FURIN: variants seen among roughly 807,000 people sequenced by gnomAD.
The protein encoded by FURIN is furin, paired basic amino acid cleaving enzyme.
A neutral mutation model predicts 89.2 loss-of-function variants in FURIN; 18 were observed. The observed-to-expected ratio is 0.20, with a 90% CI of 0.14 to 0.30. The LOEUF is 0.30. Among genes scored for constraint, FURIN ranks in the 10% least tolerant of loss-of-function variants. The pLI is 1.00. For synonymous variants in FURIN, 508 were observed against 466.4 expected, an observed-to-expected ratio of 1.09 and a Z score of -1.15; for missense variants, 879 against 1,100.5, an observed-to-expected ratio of 0.80 and a Z score of 2.85.
At chr15:90,870,261 T>C (rs2031225008) in intron 1 of FURIN, among the ~76,000 whole-genome samples, 1 of 152,234 alleles carries the variant, frequency 6.6e-6, no homozygotes, top group African/African-American at 2.4e-5. Context: ...GTTTGCTGAT[T>C]GATTTTTCAC....
At chr15:90,873,029 A>G (rs2031403220) in intron 1 of FURIN, 1 of 152,312 alleles carries the variant, frequency 6.6e-6, no homozygotes, top group Admixed American at 6.5e-5. Context: ...CCTGGAACAG[A>G]GTCCCATGTG....
In FURIN at chr15:90,876,665, C is replaced by T. The variant is rs2031648922; in HGVS notation, c.372+108C>T. 1 of 860,370 alleles carries T rather than the reference C, an allele frequency of 1.2e-6. No homozygotes were observed. The highest frequency in any genetic ancestry group is 1.9e-6 in the Non-Finnish European group (1 of 519,396). 53.3% of individuals were successfully genotyped at this position (860,370 alleles called of 1,614,324 possible). A position where few individuals can be genotyped will look rare whatever the true frequency, so the allele number is the denominator to read the frequency against. On this transcript the variant is annotated intron_variant, in intron 4 of 15. Coordinates refer to ENST00000268171, the MANE Select transcript of FURIN (RefSeq NM_002569.4). The surrounding 1 kb of genome is among the most constrained non-coding windows in gnomAD (Gnocchi z 5.0). ...CTTCGAGGCCTCCTCTGATTCGTTT[C>T]CTTTCCTCCTGCTGGGCAGTCTCTC...
In FURIN at chr15:90,875,738, C is replaced by T. The variant is rs773258111; in HGVS notation, c.-3C>T. On this transcript the variant is annotated 5_prime_UTR_variant, in exon 2 of 16. Transcript: ENST00000268171. ...TCCAGGGTCCCAGCCACCTGTCCCCCCCATGGAGCTGAGGCCCTGGTTGCT... is the reference window on the plus strand; with the variant it reads ...TCCAGGGTCCCAGCCACCTGTCCCCTCCATGGAGCTGAGGCCCTGGTTGCT... 3.3e-6 allele frequency: 5 copies of T among 1,537,678 alleles called. No homozygotes were observed. Among genetic ancestry groups the T allele is most frequent in the East Asian group, 4.9e-5 (2 of 40,938 alleles).
Position 90,880,715 on chromosome 15 carries a change from G to A in FURIN, c.1581G>A (p.Gly527=). 1 of 1,614,054 alleles carries A rather than the reference G, an allele frequency of 6.2e-7. No homozygotes were observed. Among genetic ancestry groups the A allele is most frequent in the Admixed American group, 1.7e-5 (1 of 59,992 alleles). Residue 527 remains glycine (G), a synonymous_variant, in exon 14 of 16, where the codon GGG becomes GGA. Coordinates refer to ENST00000268171, the MANE Select transcript of FURIN (RefSeq NM_002569.4). ...AARPHDYSAD[G]FNDWAFMTTH... is the part of the protein sequence containing the mutation. ...GGCCACATGACTACTCCGCAGATGGGTTTAATGACTGGGCCTTCATGACAA... is the reference window on the plus strand; with the variant it reads ...GGCCACATGACTACTCCGCAGATGGATTTAATGACTGGGCCTTCATGACAA...
At position 90,882,332 on chromosome 15, in the gene FURIN, C is replaced by A. The variant is rs188064567; in HGVS notation, c.*454C>A. 5.7e-6 allele frequency: 1 copy of A among 174,064 alleles called. No homozygotes were observed. Among genetic ancestry groups the A allele is most frequent in the Non-Finnish European group, 1.2e-5 (1 of 80,436 alleles). 10.8% of individuals were successfully genotyped at this position (174,064 alleles called of 1,614,324 possible). ...ACCTCTCCAAGGGCTTCTGCACCCT[C>A]CACCCTGTCCCCCAGCTCTGGTGAG... On this transcript the variant is annotated 3_prime_UTR_variant, in exon 16 of 16. Coordinates refer to ENST00000268171, the MANE Select transcript of FURIN (RefSeq NM_002569.4).
chr15:90,880,533 G>T (rs575587476), intron 13 of FURIN, among the ~76,000 whole-genome samples, 158 bp from the exon 14 acceptor site: 1 of 152,158 alleles, frequency 6.6e-6, no homozygotes, highest in African/African-American at 2.4e-5. Context: ...AGTTGAGCAC[G>T]TCTGGCTCAC....
chr15:90,876,590 C>T lies in FURIN; in HGVS notation c.372+33C>T, dbSNP rs2151223556. 7.4e-7 allele frequency: 1 copy of T among 1,353,180 alleles called. No individual in the cohort carries two copies. Among genetic ancestry groups the T allele is most frequent in the Non-Finnish European group, 1.1e-6 (1 of 943,908 alleles). The allele number at this position is 1,353,180 out of a possible 1,614,324, so 83.8% of individuals were successfully genotyped here. A position where few individuals can be genotyped will look rare whatever the true frequency, so the allele number is the denominator to read the frequency against. On this transcript the variant is annotated intron_variant, in intron 4 of 15. Coordinates refer to ENST00000268171, the MANE Select transcript of FURIN (RefSeq NM_002569.4). The surrounding 1 kb of genome is among the most constrained non-coding windows in gnomAD (Gnocchi z 5.0). ...GCCTTCTTCGCTGCTGGGACCTCCT[C>T]CCCAGATGCACCATCCACCCACTAT...
rs1159793974 is a variant in FURIN, at chr15:90,881,661, C to T, written c.2168C>T (p.Ala723Val). The T allele has an allele frequency of 6.3e-7, 1 of 1,585,962 alleles. No homozygotes were observed. Among genetic ancestry groups the T allele is most frequent in the South Asian group, 1.1e-5 (1 of 87,332 alleles). ...GAGGTGGTGGCCGGCCTCAGCTGCG[C>T]CTTCATCGTGCTGGTCTTCGTCACT... ...LPEVVAGLSC[A>V]FIVLVFVTVF... Residue 723 changes from alanine (A) to valine (V), a missense_variant, in exon 16 of 16, where the codon GCC becomes GTC. Physicochemically the swap from Ala to Val is moderately conservative, Grantham distance 64 (BLOSUM62 0). Coordinates refer to ENST00000268171, the MANE Select transcript of FURIN (RefSeq NM_002569.4). The surrounding 1 kb of genome is among the most constrained non-coding windows in gnomAD (Gnocchi z 4.3).
rs2031940158 is a variant in FURIN, at chr15:90,881,110, C to CTGT, written c.1792+70_1792+71insTGT. ...GTAAGGCGGGTGCCTGTCCTGAAGC[C>CTGT]CAGCTCTAACAGAAAAAAGTCTCAA... On this transcript the variant is annotated intron_variant, in intron 15 of 15. Coordinates refer to ENST00000268171, the MANE Select transcript of FURIN (RefSeq NM_002569.4). The surrounding 1 kb of genome is among the most constrained non-coding windows in gnomAD (Gnocchi z 4.3). The CTGT allele has an allele frequency of 3.3e-5, 41 of 1,261,328 alleles. No individual in the cohort carries two copies. Among genetic ancestry groups the CTGT allele is most frequent in the Non-Finnish European group, 4.7e-5 (41 of 863,462 alleles). The allele number at this position is 1,261,328 out of a possible 1,614,324, so 78.1% of individuals were successfully genotyped here.
In FURIN at chr15:90,881,910, C is replaced by A; in HGVS notation, c.*32C>A. Reference sequence around the variant, plus strand: ...CACTGCCCACCCCCTCAAGCCAATCCCCTCCTTGGGCACTTTTTAATTCAC... The same window carrying A: ...CACTGCCCACCCCCTCAAGCCAATCACCTCCTTGGGCACTTTTTAATTCAC... On this transcript the variant is annotated 3_prime_UTR_variant, in exon 16 of 16. Coordinates refer to ENST00000268171, the MANE Select transcript of FURIN (RefSeq NM_002569.4). The surrounding 1 kb of genome is among the most constrained non-coding windows in gnomAD (Gnocchi z 4.3). The A allele has an allele frequency of 6.9e-7, 1 of 1,444,204 alleles. No individual in the cohort carries two copies. The highest frequency in any genetic ancestry group is 9.6e-7 in the Non-Finnish European group (1 of 1,044,692). 89.5% of individuals were successfully genotyped at this position (1,444,204 alleles called of 1,614,324 possible).
chr15:90,871,165 C>T (rs1209561482), intron 1 of FURIN, among the ~76,000 whole-genome samples: 1 of 152,154 alleles, frequency 6.6e-6, no homozygotes, highest in Non-Finnish European at 1.5e-5. Context: ...GGCTCAAATT[C>T]GTCGCCCAGG....
intron 1 of FURIN, among the ~76,000 whole-genome samples, chr15:90,872,053 G>T (rs533777014): frequency 4.6e-5 from 7 of 151,542 alleles, no homozygotes; most frequent in African/African-American, 1.7e-4. Flanking sequence ...CCGCCACCGG[G>T]GCTGCCGCCG....
chr15:90,878,944 T>C lies in FURIN; in HGVS notation c.1021T>C (p.Tyr341His). ...CTGCTCGTCCACACTGGCCACGACCTACAGCAGTGGCAACCAGAATGAGAA... is the reference window on the plus strand; with the variant it reads ...CTGCTCGTCCACACTGGCCACGACCCACAGCAGTGGCAACCAGAATGAGAA... The part of the protein sequence containing the change: ...EACSSTLATT[Y>H]SSGNQNEKQI... The change falls in exon 9 of 16, where the codon TAC (tyrosine) becomes CAC (histidine). Residue 341 changes from tyrosine to histidine, a missense_variant. Around this residue, in one of 5 missense-constraint regions of FURIN, gnomAD observed 156 missense variants for 243.7 expected, o/e 0.64. Transcript: ENST00000268171. 6.2e-7 allele frequency: 1 copy of C among 1,608,990 alleles called. No homozygotes were observed. The highest frequency in any genetic ancestry group is 1.1e-5 in the South Asian group (1 of 90,670).
intron 1 of FURIN, among the ~76,000 whole-genome samples, chr15:90,871,194 G>A (rs2031268966): frequency 6.6e-6 from 1 of 152,136 alleles, no homozygotes; most frequent in Non-Finnish European, 1.5e-5. Context: ...AGCGGGGGAC[G>A]GAGAGGGCCA....
chr15:90,878,037 C>A, intron 7 of FURIN, 95 bp from the exon 8 acceptor site: 2 of 1,212,216 alleles, frequency 1.6e-6, no homozygotes, highest in Non-Finnish European at 2.4e-6. Flanking sequence ...CTTACTCATC[C>A]CCTGGGGTGC....
chr15:90,875,341 T>C (rs2031552620), intron 1 of FURIN, among the ~76,000 whole-genome samples: 2 of 152,134 alleles, frequency 1.3e-5, no homozygotes, highest in South Asian at 4.1e-4. Context: ...GCCCTTCTGT[T>C]ACATTTCTTA....
rs2032029943 is a variant in FURIN, at chr15:90,882,358, T to A, written c.*480T>A. On this transcript the variant is annotated 3_prime_UTR_variant, in exon 16 of 16. Transcript: ENST00000268171. Reference sequence around the variant, plus strand: ...CACCCTGTCCCCCAGCTCTGGTGAGTCTTGGCGGCAGCAGCCATCATAGGA... The same window carrying A: ...CACCCTGTCCCCCAGCTCTGGTGAGACTTGGCGGCAGCAGCCATCATAGGA... 3 of 165,732 alleles carry A rather than the reference T, an allele frequency of 1.8e-5. No homozygotes were observed. The South Asian group carries it at 4.5e-4, about 25-fold the overall frequency. 10.3% of individuals were successfully genotyped at this position (165,732 alleles called of 1,614,324 possible). A position where few individuals can be genotyped will look rare whatever the true frequency, so the allele number is the denominator to read the frequency against.
At chr15:90,871,078 C>T (rs1437567819) in intron 1 of FURIN, among the ~76,000 whole-genome samples, 1 of 152,220 alleles carries the variant, frequency 6.6e-6, no homozygotes, top group Non-Finnish European at 1.5e-5. Context: ...GAGGCTGGTC[C>T]TGCCGCCGTG....
At chr15:90,877,439 T>G (rs2031692787) in intron 6 of FURIN, 88 bp from the exon 7 acceptor site, 6 of 1,069,238 alleles carry the variant, frequency 5.6e-6, no homozygotes, top group African/African-American at 1.6e-5. Context: ...GTGTCGGATG[T>G]GCGGATCCCT....
Sources: allele counts gnomAD v4.1 joint callset (sites outside exome capture counted in the v4.1 genomes callset), GRCh38; gene constraint gnomAD v4.1.1; regional missense constraint gnomAD v4.1.1; non-coding constraint Gnocchi (gnomAD v3.1); transcripts MANE v1.5; gene names NCBI Gene and HGNC (gene_info 2026-07-23, HGNC 2026-07-21).